Variants in ITGB3BP observed in about 807,000 individuals in gnomAD.
The protein encoded by ITGB3BP is integrin subunit beta 3 binding protein, also known as centromere protein R.
In ITGB3BP, 27 loss-of-function variants were observed where a neutral mutation model predicts 29.1. The ratio of observed to expected loss-of-function variants is 0.93; its 90% CI spans 0.68 to 1.28. The LOEUF is 1.28. ITGB3BP is among the 50% of genes most tolerant of loss of function. ITGB3BP has a pLI of 0.00. For synonymous variants in ITGB3BP, 61 were observed against 61.4 expected (o/e 0.99, Z 0.03); for missense variants, 192 against 200.2 (o/e 0.96, Z 0.25).
chr1:63,481,304 T>C (rs1279162344), intron 3 of ITGB3BP, among the ~76,000 whole-genome samples: 1 of 152,162 alleles, frequency 6.6e-6, no homozygotes, highest in Non-Finnish European at 1.5e-5. Context: ...TAAATAATTT[T>C]CAGCTGTTAA....
At position 63,446,874 on chromosome 1, in the gene ITGB3BP, G is replaced by GT. The variant is rs757666823; in HGVS notation, c.485-19_485-18insA. The GT allele has an allele frequency of 9.5e-3, 13,690 of 1,445,138 alleles. 158 individuals carry two copies. Among genetic ancestry groups the GT allele is most frequent in the African/African-American group, 0.082 (5,626 of 68,688 alleles). The allele number at this position is 1,445,138 out of a possible 1,614,324, so 89.5% of individuals were successfully genotyped here. On this transcript the variant is annotated intron_variant, in intron 7 of 8. Coordinates refer to ENST00000271002, the MANE Select transcript of ITGB3BP (RefSeq NM_014288.5). The stretch of plus-strand genomic sequence containing the variant: ...ACGTGATGCTATATGAAAGAAGAAA[G>GT]GTTTTTTTTTTCAGAAAACAATTCA...
chr1:63,480,524 A>G (rs183757564), intron 3 of ITGB3BP, among the ~76,000 whole-genome samples: 1 of 152,204 alleles, frequency 6.6e-6, no homozygotes, highest in African/African-American at 2.4e-5. Context: ...CAAACTGTTC[A>G]CCACTAATGA....
At chr1:63,485,844 C>T (rs1645517807) in intron 3 of ITGB3BP, among the ~76,000 whole-genome samples, 1 of 151,678 alleles carries the variant, frequency 6.6e-6, no homozygotes, top group Non-Finnish European at 1.5e-5. Context: ...CTCTGGTTGC[C>T]CTTAAAATTT....
chr1:63,513,417 A>G (rs1297003466), intron 1 of ITGB3BP, among the ~76,000 whole-genome samples: 1 of 152,134 alleles, frequency 6.6e-6, no homozygotes, highest in African/African-American at 2.4e-5. Flanking sequence ...ATGTACCCAT[A>G]ACGCTTTGAG....
chr1:63,517,196 C>T (rs1435237413), intron 1 of ITGB3BP, among the ~76,000 whole-genome samples: 4 of 151,788 alleles, frequency 2.6e-5, no homozygotes, highest in African/African-American at 7.2e-5. Context: ...AAGAGCAAAA[C>T]TTAAAAAGAA....
chr1:63,515,416 A>G (rs985000597), intron 1 of ITGB3BP, among the ~76,000 whole-genome samples: 3 of 151,994 alleles, frequency 2.0e-5, no homozygotes, highest in Admixed American at 2.0e-4. Flanking sequence ...ACATACTCCA[A>G]CTTCATTCTT....
chr1:63,513,633 A>G (rs371475197), intron 1 of ITGB3BP, among the ~76,000 whole-genome samples: 3 of 152,274 alleles, frequency 2.0e-5, no homozygotes, highest in Admixed American at 6.5e-5. Flanking sequence ...ACACACACAC[A>G]CAAAAACATT....
intron 4 of ITGB3BP, chr1:63,457,136 T>A (rs1388296123): frequency 6.6e-6 from 1 of 152,154 alleles, no homozygotes; most frequent in Non-Finnish European, 1.5e-5. Context: ...GAAATCACCT[T>A]TTTCCCACCT....
At chr1:63,490,544 A>T (rs1173547737) in intron 2 of ITGB3BP, among the ~76,000 whole-genome samples, 5 of 152,168 alleles carry the variant, frequency 3.3e-5, no homozygotes, top group Non-Finnish European at 7.4e-5. Flanking sequence ...TTTCAGCTGA[A>T]CTTGAAGTAT....
At chr1:63,507,946 T>G (rs1211112046) in intron 2 of ITGB3BP, among the ~76,000 whole-genome samples, 1 of 152,184 alleles carries the variant, frequency 6.6e-6, no homozygotes, top group Non-Finnish European at 1.5e-5. Context: ...GAAAAGATAA[T>G]AAACTAACAT....
At chr1:63,520,809 TG>T (rs1291029609) in intron 1 of ITGB3BP, among the ~76,000 whole-genome samples, 2 of 152,220 alleles carry the variant, frequency 1.3e-5, no homozygotes, top group Admixed American at 1.3e-4. Flanking sequence ...ATCATTTCTC[TG>T]TATTTATCAT....
At chr1:63,446,966 A>C (rs1375059899) in intron 7 of ITGB3BP, 110 bp from the exon 8 acceptor site, 43 of 776,094 alleles carry the variant, frequency 5.5e-5, no homozygotes, top group Non-Finnish European at 4.3e-6. Flanking sequence ...AACAACCTGA[A>C]GTCTTGTTTT....
At chr1:63,523,245 T>C (rs1196911712), upstream of ITGB3BP, 18 of 1,444,304 alleles carry the variant, frequency 1.2e-5, no homozygotes, top group Non-Finnish European at 1.5e-5. Flanking sequence ...GCGCTGGACG[T>C]TGCGTCAAGC....
chr1:63,492,106 A>G (rs912130098), intron 2 of ITGB3BP, among the ~76,000 whole-genome samples: 1 of 152,138 alleles, frequency 6.6e-6, no homozygotes, highest in Non-Finnish European at 1.5e-5. Context: ...ATATGTCTAA[A>G]CATTTTAACT....
upstream of ITGB3BP, among the ~76,000 whole-genome samples, chr1:63,527,440 T>TACAAC (rs1646613783): frequency 6.9e-6 from 1 of 143,936 alleles, no homozygotes; most frequent in African/African-American, 2.6e-5. Flanking sequence ...TTCTGCCACT[T>TACAAC]ATGTGCATTT....
chr1:63,451,418 A>AAAAT (rs973515810), intron 7 of ITGB3BP, among the ~76,000 whole-genome samples: 2 of 151,986 alleles, frequency 1.3e-5, no homozygotes, highest in African/African-American at 4.8e-5. Context: ...TAGCATAATA[A>AAAAT]AAATAAATAA....
intron 1 of ITGB3BP, chr1:63,522,837 G>A (rs1646487007): frequency 5.4e-6 from 3 of 551,872 alleles, no homozygotes; most frequent in Middle Eastern, 3.8e-4. Flanking sequence ...CATCCTGTGT[G>A]TCAACCTTAT....
chr1:63,448,338 A>AT (rs1447397584), intron 7 of ITGB3BP, among the ~76,000 whole-genome samples: 2 of 146,602 alleles, frequency 1.4e-5, no homozygotes, highest in Admixed American at 6.8e-5. Flanking sequence ...ATAAAAAATA[A>AT]AAAAAAAAAA....
At chr1:63,493,417 AAAAC>A (rs60111018) in intron 2 of ITGB3BP, among the ~76,000 whole-genome samples, 23,579 of 145,428 alleles carry the variant, frequency 0.16, 2,280 homozygotes, top group African/African-American at 0.28. Context: ...TCTGTCTCAA[AAAAC>A]AAACAAACAA....
Sources: gnomAD v4.1 joint callset for allele counts (sites outside exome capture counted in the v4.1 genomes callset) on GRCh38, gnomAD v4.1.1 for gene constraint, MANE v1.5 for transcripts, NCBI Gene and HGNC (gene_info 2026-07-23, HGNC 2026-07-21) for gene names.